Variants in PRELID2 observed in about 807,000 individuals in gnomAD.
PRELID2 encodes the protein PRELI domain-containing protein 2.
A neutral mutation model predicts 28.4 loss-of-function variants in PRELID2; 25 were observed. The observed-to-expected ratio is 0.88, with a 90% CI of 0.64 to 1.23. The LOEUF (loss-of-function observed/expected upper bound fraction) is 1.23. Ranked by LOEUF, PRELID2 falls within the 50% of genes most tolerant of loss-of-function variation. The pLI is 0.00. For missense variants in PRELID2, 201 were observed against 214.4 expected (o/e 0.94, Z 0.39); for synonymous variants, 76 against 71.6 (o/e 1.06, Z -0.31).
At chr5:145,458,985 T>C in the PRELID2 span, among the ~76,000 whole-genome samples, 3 of 152,316 alleles carry the variant, frequency 2.0e-5, no homozygotes, top group Non-Finnish European at 2.9e-5. Flanking sequence ...TAAATTATCA[T>C]TGGAGTTTTA....
chr5:145,335,818 T>C, the PRELID2 span, among the ~76,000 whole-genome samples: 3 of 152,196 alleles, frequency 2.0e-5, no homozygotes, highest in African/African-American at 7.2e-5. Flanking sequence ...AAATGGTATT[T>C]CTAGTTCTAG....
chr5:145,315,543 A>AGG, the PRELID2 span, among the ~76,000 whole-genome samples: 46 of 110,652 alleles, frequency 4.2e-4, no homozygotes, highest in African/African-American at 1.5e-3. Flanking sequence ...TTGCTCTTTC[A>AGG]GGGTGTGTGT....
At chr5:145,414,879 A>G in the PRELID2 span, among the ~76,000 whole-genome samples, 5 of 152,186 alleles carry the variant, frequency 3.3e-5, no homozygotes, top group Non-Finnish European at 5.9e-5. Context: ...GATTCTGTTT[A>G]CCATTTATAT....
intron 2 of PRELID2, 95 bp from the exon 3 acceptor site, chr5:145,820,113 TTTGTTTTTTG>T: frequency 1.7e-6 from 1 of 583,970 alleles, no homozygotes; most frequent in Non-Finnish European, 2.8e-6. Flanking sequence ...TTTTTTGTTT[TTTGTTTTTTG>T]TTTTTTTTTT....
chr5:145,799,689 A>AGATG (rs1193027086), intron 4 of PRELID2, among the ~76,000 whole-genome samples: 1 of 152,190 alleles, frequency 6.6e-6, no homozygotes, highest in Non-Finnish European at 1.5e-5. Flanking sequence ...CTGGAGCATA[A>AGATG]GGTGGGTGTG....
the PRELID2 span, among the ~76,000 whole-genome samples, chr5:145,356,139 C>T: frequency 7.2e-5 from 11 of 152,100 alleles, no homozygotes; most frequent in Admixed American, 5.2e-4. Flanking sequence ...TGGCCTCATT[C>T]GAACAGAAAT....
At chr5:145,303,503 A>G in the PRELID2 span, among the ~76,000 whole-genome samples, 1 of 152,196 alleles carries the variant, frequency 6.6e-6, no homozygotes, top group African/African-American at 2.4e-5. Flanking sequence ...TCACATCTGT[A>G]GGCTCCAGGC....
At chr5:145,409,343 CA>C in the PRELID2 span, among the ~76,000 whole-genome samples, 2 of 152,132 alleles carry the variant, frequency 1.3e-5, no homozygotes, top group African/African-American at 4.8e-5. Flanking sequence ...TAACAACTAG[CA>C]TGATGAATAG....
the PRELID2 span, among the ~76,000 whole-genome samples, chr5:145,270,554 A>G: frequency 6.6e-6 from 1 of 152,170 alleles, no homozygotes; most frequent in Non-Finnish European, 1.5e-5. Flanking sequence ...GAATCAGAAT[A>G]ACACTTTTAA....
chr5:145,498,393 C>T (rs1250397895), intron 1 of PRELID2, among the ~76,000 whole-genome samples: 3 of 152,126 alleles, frequency 2.0e-5, no homozygotes, highest in Non-Finnish European at 2.9e-5. Flanking sequence ...AGCATGGTGG[C>T]GTGCATCTGC....
intron 1 of PRELID2, among the ~76,000 whole-genome samples, chr5:145,663,639 C>G (rs763998974): frequency 8.5e-5 from 13 of 152,098 alleles, no homozygotes; most frequent in Non-Finnish European, 1.6e-4. Flanking sequence ...ATTAATAAGT[C>G]TTTATTAATA....
the PRELID2 span, among the ~76,000 whole-genome samples, chr5:145,285,977 G>A: frequency 6.6e-6 from 1 of 152,214 alleles, no homozygotes; most frequent in Non-Finnish European, 1.5e-5. Context: ...TGAGCACACA[G>A]ATTTCAAAAT....
chr5:145,676,922 C>T (rs1754829072), intron 1 of PRELID2, among the ~76,000 whole-genome samples: 1 of 151,862 alleles, frequency 6.6e-6, no homozygotes, highest in Admixed American at 6.6e-5. Context: ...GAAAGAAAAC[C>T]TTAGATCGAA....
intron 1 of PRELID2, among the ~76,000 whole-genome samples, chr5:145,716,625 A>C (rs888536665): frequency 6.6e-6 from 1 of 152,184 alleles, no homozygotes; most frequent in Non-Finnish European, 1.5e-5. Flanking sequence ...TTTTATTCAT[A>C]AGAAGACATA....
the PRELID2 span, among the ~76,000 whole-genome samples, chr5:145,262,956 A>T: frequency 1.3e-5 from 2 of 152,204 alleles, no homozygotes; most frequent in African/African-American, 4.8e-5. Flanking sequence ...CACCTGACAT[A>T]TAGGGACTCT....
intron 1 of PRELID2, among the ~76,000 whole-genome samples, chr5:145,650,753 T>C (rs1754281703): frequency 6.6e-6 from 1 of 151,994 alleles, no homozygotes. Flanking sequence ...TTTTCTGTGA[T>C]ACCTCATGAA....
chr5:145,272,731 T>C, the PRELID2 span, among the ~76,000 whole-genome samples: 1 of 152,202 alleles, frequency 6.6e-6, no homozygotes, highest in Non-Finnish European at 1.5e-5. Flanking sequence ...TTAATAATGT[T>C]AGTACTCTAT....
intron 1 of PRELID2, among the ~76,000 whole-genome samples, chr5:145,673,373 C>T (rs1354110077): frequency 1.3e-5 from 2 of 151,950 alleles, no homozygotes; most frequent in African/African-American, 4.8e-5. Context: ...ATGGAAGTAT[C>T]AGGCACTATT....
At chr5:145,490,094 A>G (rs1167136456) in intron 1 of PRELID2, among the ~76,000 whole-genome samples, 5 of 152,216 alleles carry the variant, frequency 3.3e-5, no homozygotes. Flanking sequence ...AATAAAATCA[A>G]CTGAGCTATC....
Sources: gnomAD v4.1 joint callset for allele counts (sites outside exome capture counted in the v4.1 genomes callset) on GRCh38, gnomAD v4.1.1 for gene constraint, MANE v1.5 for transcripts, NCBI Gene and HGNC (gene_info 2026-07-23, HGNC 2026-07-21) for gene names.